Variants in AUTS2 observed in about 807,000 individuals in gnomAD.
AUTS2 encodes the protein autism susceptibility gene 2 protein.
Under a neutral mutation model 112.4 loss-of-function variants are expected in AUTS2, and 17 were observed. The observed-to-expected ratio is 0.15, with a 90% CI of 0.10 to 0.23. The LOEUF (loss-of-function observed/expected upper bound fraction) is 0.23, where lower values mean the gene tolerates loss of function less well. Among genes scored for constraint, AUTS2 ranks in the 10% least tolerant of loss-of-function variants. The pLI is 1.00. For missense variants in AUTS2, 1,510 were observed against 1,701.6 expected (o/e 0.89, Z 1.98); for synonymous variants, 751 against 702.7 (o/e 1.07, Z -1.09).
intron 2 of AUTS2, among the ~76,000 whole-genome samples, chr7:70,044,312 T>C (rs1801403746): frequency 6.6e-6 from 1 of 152,214 alleles, no homozygotes; most frequent in South Asian, 2.1e-4. Context: ...TCAGTTTATG[T>C]GCTATAATTC....
At chr7:70,581,610 G>A (rs1237810369) in intron 5 of AUTS2, among the ~76,000 whole-genome samples, 1 of 152,088 alleles carries the variant, frequency 6.6e-6, no homozygotes, top group African/African-American at 2.4e-5. Flanking sequence ...ACGCCACTTT[G>A]GAAATGTATG....
At chr7:70,168,799 C>G (rs1487281034) in intron 4 of AUTS2, among the ~76,000 whole-genome samples, 2 of 152,098 alleles carry the variant, frequency 1.3e-5, no homozygotes, top group African/African-American at 4.8e-5. Flanking sequence ...ATAAAGTTCT[C>G]TGTGTGCTGG....
At chr7:69,996,309 C>G (rs1038796267) in intron 2 of AUTS2, among the ~76,000 whole-genome samples, 12 of 152,180 alleles carry the variant, frequency 7.9e-5, no homozygotes, top group Non-Finnish European at 1.5e-5. Context: ...GTCAGCACAG[C>G]TAGCAGTCAG....
intron 5 of AUTS2, among the ~76,000 whole-genome samples, chr7:70,567,165 G>A (rs556443732): frequency 6.6e-6 from 1 of 152,300 alleles, no homozygotes; most frequent in Non-Finnish European, 1.5e-5. Context: ...TTCATGTCTC[G>A]ATCCAACTGG....
At chr7:70,634,260 G>A (rs1258562611) in intron 5 of AUTS2, among the ~76,000 whole-genome samples, 1 of 152,192 alleles carries the variant, frequency 6.6e-6, no homozygotes, top group Non-Finnish European at 1.5e-5. Context: ...CTGTGAAAGG[G>A]GCGTGTGAGC....
intron 4 of AUTS2, among the ~76,000 whole-genome samples, chr7:70,336,274 C>T (rs2129620012): frequency 6.9e-6 from 1 of 145,716 alleles, no homozygotes; most frequent in African/African-American, 2.6e-5. Context: ...CCAACTTGTC[C>T]CAGCTGCACC....
chr7:70,168,917 G>T (rs1808523821), intron 4 of AUTS2, among the ~76,000 whole-genome samples: 1 of 151,840 alleles, frequency 6.6e-6, no homozygotes, highest in Admixed American at 6.6e-5. Context: ...CCTCTTTATT[G>T]TTAGGTAACC....
intron 2 of AUTS2, among the ~76,000 whole-genome samples, chr7:70,075,401 A>G (rs1802978921): frequency 6.6e-6 from 1 of 152,116 alleles, no homozygotes; most frequent in African/African-American, 2.4e-5. Context: ...TTCTCTGCTA[A>G]CCTGCTGTTG....
intron 1 of AUTS2, among the ~76,000 whole-genome samples, chr7:69,729,428 C>CT (rs1786680838): frequency 6.8e-6 from 1 of 146,338 alleles, no homozygotes; most frequent in African/African-American, 2.5e-5. Context: ...CACCCCCCCC[C>CT]CCATTTTTAT....
rs117207231 is a variant in AUTS2, at chr7:70,554,879, G to A, written c.690+119098G>A. On this transcript the variant is annotated intron_variant, in intron 5 of 18. Transcript: ENST00000342771. ...TGTCACATTGGACGGTTGGCCTCCTGTGATGACAACACTGTGCCAAGGAGG... is the reference window on the plus strand; with the variant it reads ...TGTCACATTGGACGGTTGGCCTCCTATGATGACAACACTGTGCCAAGGAGG... 9.8e-4 allele frequency among the ~76,000 whole-genome samples: 149 copies of A among 152,352 alleles called. 1 individual carries two copies. The East Asian group carries it at 0.025, about 26-fold the overall frequency.
intron 1 of AUTS2, among the ~76,000 whole-genome samples, chr7:69,731,409 T>C (rs1786785718): frequency 6.6e-6 from 1 of 152,200 alleles, no homozygotes; most frequent in Admixed American, 6.5e-5. Flanking sequence ...CTCTCTAAAC[T>C]CAGTTTCCTC....
intron 3 of AUTS2, chr7:70,119,766 G>C (rs1414534384): frequency 6.6e-6 from 1 of 151,924 alleles, no homozygotes; most frequent in African/African-American, 2.4e-5. Context: ...AAAAGAGATA[G>C]CACTTCAGAG....
At chr7:70,054,221 G>T (rs1801891065) in intron 2 of AUTS2, among the ~76,000 whole-genome samples, 1 of 152,170 alleles carries the variant, frequency 6.6e-6, no homozygotes, top group African/African-American at 2.4e-5. Flanking sequence ...ACCATACTGG[G>T]TAGCACAGGC....
At chr7:69,919,357 C>T (rs1795716568) in intron 2 of AUTS2, among the ~76,000 whole-genome samples, 1 of 152,158 alleles carries the variant, frequency 6.6e-6, no homozygotes, top group Admixed American at 6.5e-5. Context: ...ATCATTTCTC[C>T]TAGGTGTTAC....
chr7:70,534,162 C>T (rs1482194684), intron 5 of AUTS2, among the ~76,000 whole-genome samples: 1 of 152,160 alleles, frequency 6.6e-6, no homozygotes, highest in Non-Finnish European at 1.5e-5. Flanking sequence ...TTCTGGATCT[C>T]AACATTGGAC....
intron 4 of AUTS2, among the ~76,000 whole-genome samples, chr7:70,249,988 A>G (rs1396785250): frequency 6.6e-6 from 1 of 151,280 alleles, no homozygotes; most frequent in Non-Finnish European, 1.5e-5. Flanking sequence ...TACTTAAAAC[A>G]TAATTTGATG....
At chr7:70,020,432 G>A (rs749327171) in intron 2 of AUTS2, among the ~76,000 whole-genome samples, 7 of 152,156 alleles carry the variant, frequency 4.6e-5, no homozygotes, top group Non-Finnish European at 8.8e-5. Context: ...GAGACTGTCA[G>A]TTCACAAGGG....
chr7:70,153,129 A>G (rs1318121153), intron 4 of AUTS2, among the ~76,000 whole-genome samples: 1 of 152,244 alleles, frequency 6.6e-6, no homozygotes, highest in Non-Finnish European at 1.5e-5. Flanking sequence ...GAATGTTCAT[A>G]GTAGCTTTAT....
At chr7:69,933,600 A>G (rs1252295726) in intron 2 of AUTS2, among the ~76,000 whole-genome samples, 1 of 152,214 alleles carries the variant, frequency 6.6e-6, no homozygotes, top group East Asian at 1.9e-4. Context: ...TTAGAATAAA[A>G]AAGGAAAGTA....
Sources: gnomAD v4.1 joint callset for allele counts (sites outside exome capture counted in the v4.1 genomes callset) on GRCh38, gnomAD v4.1.1 for gene constraint, MANE v1.5 for transcripts, NCBI Gene and HGNC (gene_info 2026-07-23, HGNC 2026-07-21) for gene names.